DESI2: variants seen among roughly 807,000 people sequenced by gnomAD.
DESI2 encodes the protein desumoylating isopeptidase 2, also known as deubiquitinase DESI2.
A neutral mutation model predicts 24.1 loss-of-function variants in DESI2; 10 were observed. That is an observed-to-expected ratio of 0.41 (90% CI 0.26 to 0.70). The LOEUF (loss-of-function observed/expected upper bound fraction) is 0.70. Ranked by LOEUF, DESI2 falls within the 30% of genes least tolerant of loss-of-function variation. The pLI, the probability that DESI2 is intolerant of heterozygous loss-of-function variation, is 0.29. For missense variants in DESI2, 122 were observed against 234.9 expected (o/e 0.52, Z 3.14); for synonymous variants, 71 against 87.7 (o/e 0.81, Z 1.06).
chr1:244,678,398 C>G (rs1676488193), intron 1 of DESI2, among the ~76,000 whole-genome samples: 1 of 152,052 alleles, frequency 6.6e-6, no homozygotes, highest in African/African-American at 2.4e-5. Flanking sequence ...CATGGAATCC[C>G]CAAGCATAGA....
intron 1 of DESI2, among the ~76,000 whole-genome samples, chr1:244,663,746 C>T (rs542423869): frequency 3.5e-4 from 53 of 152,020 alleles, no homozygotes; most frequent in African/African-American, 1.1e-3. Flanking sequence ...TGGCCGGGCA[C>T]GGTGGCTCAC....
chr1:244,655,315 C>T (rs927832596), intron 1 of DESI2, among the ~76,000 whole-genome samples: 2 of 152,230 alleles, frequency 1.3e-5, no homozygotes, highest in African/African-American at 2.4e-5. Context: ...ACTATCTTCT[C>T]TACTAATTCC....
rs543765533 is a variant in DESI2 at position 244,698,810 on chromosome 1, T to A, written c.352-6746T>A. 1.8e-4 allele frequency among the ~76,000 whole-genome samples: 28 copies of A among 152,354 alleles called. No individual in the cohort carries two copies. In the East Asian group the frequency reaches 2.5e-3, roughly 14 times the overall value. On this transcript the variant is annotated intron_variant, in intron 4 of 4. Transcript: ENST00000302550. ...CTACGTGGATTATCACAGGTGTCCATGGGAACCGGCTTCTCTGGTGGGACC... is the reference window on the plus strand; with the variant it reads ...CTACGTGGATTATCACAGGTGTCCAAGGGAACCGGCTTCTCTGGTGGGACC...
intron 1 of DESI2, among the ~76,000 whole-genome samples, chr1:244,660,738 T>C (rs1424583095): frequency 6.6e-6 from 1 of 152,226 alleles, no homozygotes; most frequent in Non-Finnish European, 1.5e-5. Context: ...AAACAATAAA[T>C]TAAAAATCAA....
chr1:244,670,160 T>C (rs1676199039), intron 1 of DESI2, among the ~76,000 whole-genome samples: 1 of 152,158 alleles, frequency 6.6e-6, no homozygotes, highest in Admixed American at 6.5e-5. Flanking sequence ...TTTCATCATA[T>C]TGGTCAGGCT....
chr1:244,679,445 C>T (rs1676525298), intron 1 of DESI2, among the ~76,000 whole-genome samples: 1 of 152,204 alleles, frequency 6.6e-6, no homozygotes, highest in Admixed American at 6.5e-5. Context: ...TTCAGATGTA[C>T]CAGTTTTTAA....
intron 1 of DESI2, among the ~76,000 whole-genome samples, chr1:244,679,868 CAAAAAAAAAAAAA>C (rs10543739): frequency 2.5e-5 from 2 of 80,632 alleles, no homozygotes; most frequent in South Asian, 4.7e-4. Context: ...GACTCTATCT[CAAAAAAAAAAAAA>C]AAAAAAAAAA....
intron 1 of DESI2, among the ~76,000 whole-genome samples, chr1:244,683,467 A>G (rs1393334046): frequency 1.3e-5 from 2 of 151,484 alleles, no homozygotes; most frequent in East Asian, 2.0e-4. Context: ...GCCCGCCATC[A>G]CACCCGGCTA....
At chr1:244,673,029 T>A (rs1271816300) in intron 1 of DESI2, among the ~76,000 whole-genome samples, 1 of 152,196 alleles carries the variant, frequency 6.6e-6, no homozygotes, top group African/African-American at 2.4e-5. Context: ...GTTTGGTTTT[T>A]TTTACAGTTA....
chr1:244,659,797 T>C (rs1374507186), intron 1 of DESI2, among the ~76,000 whole-genome samples: 1 of 152,240 alleles, frequency 6.6e-6, no homozygotes, highest in Non-Finnish European at 1.5e-5. Context: ...TGGGGAGTCA[T>C]TCTGCCACAG....
chr1:244,676,314 T>C (rs1032135918), intron 1 of DESI2, among the ~76,000 whole-genome samples: 4 of 151,962 alleles, frequency 2.6e-5, no homozygotes, highest in African/African-American at 9.7e-5. Context: ...CTGACCTCCG[T>C]GATCCGCCCG....
intron 1 of DESI2, among the ~76,000 whole-genome samples, chr1:244,673,372 A>G (rs1476298829): frequency 6.6e-6 from 1 of 152,256 alleles, no homozygotes; most frequent in African/African-American, 2.4e-5. Context: ...CATAATGTAT[A>G]TTCTAAACAT....
chr1:244,701,050 C>T (rs1371502171), intron 4 of DESI2, among the ~76,000 whole-genome samples: 1 of 151,984 alleles, frequency 6.6e-6, no homozygotes, highest in Non-Finnish European at 1.5e-5. Flanking sequence ...GTGAGAACAA[C>T]AATAGAGGGA....
chr1:244,683,187 A>G lies in DESI2; in HGVS notation c.43-3410A>G, dbSNP rs571914945. 5.9e-5 allele frequency among the ~76,000 whole-genome samples: 9 copies of G among 152,344 alleles called. No individual in the cohort carries two copies. In the East Asian group the frequency reaches 1.7e-3, roughly 29 times the overall value. The stretch of plus-strand genomic sequence containing the variant: ...TGACCAGATATGGAGGTGATCAGAT[A>G]GCAAGGGTTGGGGGTTCTTGCTGAA... On this transcript the variant is annotated intron_variant, in intron 1 of 4. Transcript: ENST00000302550.
intron 4 of DESI2, among the ~76,000 whole-genome samples, chr1:244,697,160 C>T (rs1677248649): frequency 6.6e-6 from 1 of 151,992 alleles, no homozygotes; most frequent in Admixed American, 6.6e-5. Flanking sequence ...TTCCTGAGTC[C>T]TAGCAAATCA....
chr1:244,661,817 C>T (rs1318697581), intron 1 of DESI2, among the ~76,000 whole-genome samples: 14 of 152,202 alleles, frequency 9.2e-5, no homozygotes, highest in Admixed American at 9.2e-4. Flanking sequence ...CATTGATGGA[C>T]ATTTGGGTTG....
At position 244,707,687 on chromosome 1, in the gene DESI2, A is replaced by C. The variant is rs183382317; in HGVS notation, c.*1898A>C. 6.6e-6 allele frequency: 1 copy of C among 152,326 alleles called. No individual in the cohort carries two copies. Among genetic ancestry groups the C allele is most frequent in the Admixed American group, 6.5e-5 (1 of 15,288 alleles). The allele number at this position is 152,326 out of a possible 1,614,324, so 9.4% of individuals were successfully genotyped here. A position where few individuals can be genotyped will look rare whatever the true frequency, so the allele number is the denominator to read the frequency against. ...AGTGTTTTCTAATTCATTCAAGTAT[A>C]TATGATTTAAACCTGGGCTACTGAC... On this transcript the variant is annotated 3_prime_UTR_variant, in exon 5 of 5. Coordinates refer to ENST00000302550, the MANE Select transcript of DESI2 (RefSeq NM_016076.5).
intron 3 of DESI2, among the ~76,000 whole-genome samples, chr1:244,690,404 G>A (rs1302691563): frequency 2.0e-5 from 3 of 152,074 alleles, no homozygotes; most frequent in Non-Finnish European, 2.9e-5. Flanking sequence ...ATTGAGGTTT[G>A]TATTTAAAGT....
At chr1:244,657,848 A>G (rs1013651361) in intron 1 of DESI2, among the ~76,000 whole-genome samples, 25 of 152,232 alleles carry the variant, frequency 1.6e-4, no homozygotes, top group African/African-American at 5.3e-4. Flanking sequence ...TTTAATAGAA[A>G]GGAAAAACTT....
Sources: allele counts gnomAD v4.1 joint callset (sites outside exome capture counted in the v4.1 genomes callset), GRCh38; gene constraint gnomAD v4.1.1; transcripts MANE v1.5; gene names NCBI Gene and HGNC (gene_info 2026-07-23, HGNC 2026-07-21).